The following ECT2L variants were observed in gnomAD, a reference collection of about 807,000 sequenced individuals.
ECT2L encodes the protein epithelial cell-transforming sequence 2 oncogene-like.
ECT2L carries 126 observed loss-of-function variants against 122.8 expected under a neutral mutation model. That is an observed-to-expected ratio of 1.03 (90% confidence interval 0.89 to 1.19). ECT2L has a LOEUF of 1.19. Ranked by LOEUF, ECT2L falls within the 50% of genes most tolerant of loss-of-function variation. The pLI is 0.00. For synonymous variants in ECT2L, 385 were observed against 381.8 expected, an observed-to-expected ratio of 1.01 and a Z score of -0.10; for missense variants, 1,012 against 1,064.1, an observed-to-expected ratio of 0.95 and a Z score of 0.68.
At chr6:138,801,699 G>A (rs1257242267) in intron 1 of ECT2L, among the ~76,000 whole-genome samples, 1 of 152,124 alleles carries the variant, frequency 6.6e-6, no homozygotes, top group African/African-American at 2.4e-5. Context: ...AAGTTGCAGT[G>A]AGCCAAGATC....
chr6:138,823,525 A>G (rs1009093519), intron 4 of ECT2L: 1 of 1,582,356 alleles, frequency 6.3e-7, no homozygotes, highest in Non-Finnish European at 8.6e-7. Flanking sequence ...AACATTGTCA[A>G]GTTCTGCCGA....
At chr6:138,836,296 TTTTTTTTTTTTGAGATGGAGTTTTGCTCG>T (rs1776835151) in intron 4 of ECT2L, among the ~76,000 whole-genome samples, 1 of 150,880 alleles carries the variant, frequency 6.6e-6, no homozygotes, top group Non-Finnish European at 1.5e-5. Flanking sequence ...AATCTTTTTT[TTTTTTTTTTTTGAGATGGAGTTTTGCTCG>T]TCACCCAGGC....
In ECT2L at chr6:138,867,164, G is replaced by A. The variant is rs573451182; in HGVS notation, c.1475-939G>A. Among the ~76,000 whole-genome samples, 16 of 152,270 alleles carry A rather than the reference G, an allele frequency of 1.1e-4. No homozygotes were observed. The South Asian group carries it at 1.5e-3, about 14-fold the overall frequency. On this transcript the variant is annotated intron_variant, in intron 12 of 21. Transcript: ENST00000541398. The stretch of plus-strand genomic sequence containing the variant: ...ATATAGAGGAACTCCTGGTAGGATC[G>A]AGAGTCTTACATTTAAATTTATTGA...
chr6:138,882,573 C>G (rs1778677782), intron 15 of ECT2L, 151 bp from the exon 16 acceptor site: 3 of 937,222 alleles, frequency 3.2e-6, no homozygotes, highest in Non-Finnish European at 4.7e-6. Flanking sequence ...CCTGTCAAAT[C>G]TCCACTTCTC....
intron 1 of ECT2L, among the ~76,000 whole-genome samples, chr6:138,808,431 T>C (rs1021681508): frequency 1.3e-5 from 2 of 151,950 alleles, no homozygotes; most frequent in African/African-American, 4.8e-5. Flanking sequence ...AAAAATTTTG[T>C]AGACACATGG....
chr6:138,902,380 T>C, intron 21 of ECT2L, 120 bp from the exon 22 acceptor site: 1 of 819,140 alleles, frequency 1.2e-6, no homozygotes, highest in South Asian at 1.7e-5. Flanking sequence ...ACACTGAATA[T>C]GTATTTCTTT....
chr6:138,808,235 TTTTA>T (rs1477567060), intron 1 of ECT2L, among the ~76,000 whole-genome samples: 1 of 152,130 alleles, frequency 6.6e-6, no homozygotes, highest in African/African-American at 2.4e-5. Flanking sequence ...TTATATTGGA[TTTTA>T]TTTTTGTTTT....
intron 4 of ECT2L, among the ~76,000 whole-genome samples, chr6:138,824,555 C>A (rs200371511): frequency 3.3e-4 from 15 of 45,458 alleles, no homozygotes; most frequent in Admixed American, 1.3e-3. Context: ...AAAAAAAAAA[C>A]TATAAAAAAA....
intron 10 of ECT2L, among the ~76,000 whole-genome samples, chr6:138,855,917 C>T (rs75247295): frequency 0.019 from 2,830 of 152,112 alleles, 30 homozygotes; most frequent in Non-Finnish European, 0.023. Flanking sequence ...AAGAATAAAG[C>T]GGGAAAAGTG....
chr6:138,873,134 T>G (rs779457528), intron 13 of ECT2L, among the ~76,000 whole-genome samples: 10 of 152,212 alleles, frequency 6.6e-5, no homozygotes, highest in Non-Finnish European at 1.3e-4. Flanking sequence ...GGCTGAAAGT[T>G]CCTCATTGCT....
rs562150109 is a variant in ECT2L, at chr6:138,838,457, G to A, written c.285G>A (p.Pro95=). 1.4e-5 allele frequency: 23 copies of A among 1,613,772 alleles called. No individual in the cohort carries two copies. Among genetic ancestry groups the A allele is most frequent in the South Asian group, 5.5e-5 (5 of 91,024 alleles). Residue 95 remains proline, a synonymous_variant, in exon 5 of 22, where the codon CCG becomes CCA. Transcript: ENST00000541398. The stretch of plus-strand genomic sequence containing the variant: ...TATATATCTTTTCCTTTTTGAGTCC[G>A]AAAGATTTGTGTGCCGCTGCCCAAG... ...ISLYIFSFLS[P]KDLCAAAQVS...
At chr6:138,839,437 C>T (rs1776964797) in intron 5 of ECT2L, among the ~76,000 whole-genome samples, 2 of 151,342 alleles carry the variant, frequency 1.3e-5, no homozygotes, top group African/African-American at 4.9e-5. Context: ...TGATCTGGCT[C>T]ATTGCAACCT....
chr6:138,847,645 G>A (rs2128392140), intron 8 of ECT2L, among the ~76,000 whole-genome samples: 1 of 150,848 alleles, frequency 6.6e-6, no homozygotes, highest in East Asian at 2.0e-4. Flanking sequence ...CCAAAGTGCT[G>A]GGATTACAGG....
intron 14 of ECT2L, among the ~76,000 whole-genome samples, chr6:138,878,557 C>T (rs1778543727): frequency 6.6e-6 from 1 of 152,194 alleles, no homozygotes; most frequent in Admixed American, 6.5e-5. Flanking sequence ...AGTGATTCTA[C>T]TGCCTCAGCC....
chr6:138,861,171 T>C (rs1275297068), intron 10 of ECT2L, among the ~76,000 whole-genome samples: 1 of 152,222 alleles, frequency 6.6e-6, no homozygotes, highest in East Asian at 1.9e-4. Context: ...CTATTGTAAA[T>C]AGTGCTGCAA....
chr6:138,851,104 AC>A (rs1777434366), intron 9 of ECT2L, among the ~76,000 whole-genome samples: 1 of 151,716 alleles, frequency 6.6e-6, no homozygotes, highest in South Asian at 2.1e-4. Context: ...AATCCCACCA[AC>A]AGTGCACGAC....
At chr6:138,895,682 T>A (rs139171946) in intron 20 of ECT2L, among the ~76,000 whole-genome samples, 8,532 of 152,130 alleles carry the variant, frequency 0.056, 440 homozygotes, top group East Asian at 0.16. Context: ...GCGATTCTCA[T>A]GCCTCAGCCT....
intron 13 of ECT2L, among the ~76,000 whole-genome samples, chr6:138,871,049 C>T (rs919511818): frequency 2.0e-5 from 3 of 151,884 alleles, no homozygotes; most frequent in East Asian, 3.9e-4. Flanking sequence ...GAGACTCTGT[C>T]GTAAATAAAT....
At chr6:138,867,999 C>CA (rs754296302) in intron 12 of ECT2L, 104 bp from the exon 13 acceptor site, 17,683 of 335,022 alleles carry the variant, frequency 0.053, 934 homozygotes, top group African/African-American at 0.27. Context: ...GATTCTGTCT[C>CA]AAAAAAAAAA....
Sources: gnomAD v4.1 joint callset for allele counts (sites outside exome capture counted in the v4.1 genomes callset) on GRCh38, gnomAD v4.1.1 for gene constraint, MANE v1.5 for transcripts, NCBI Gene and HGNC (gene_info 2026-07-23, HGNC 2026-07-21) for gene names.